SMG1: variants seen among roughly 807,000 people sequenced by gnomAD.
SMG1 encodes the protein SMG1 nonsense mediated mRNA decay associated PI3K related kinase.
In SMG1, 22 loss-of-function variants were observed where a neutral mutation model predicts 419.9. The ratio of observed to expected loss-of-function variants is 0.05; its 90% CI spans 0.04 to 0.07. The LOEUF (loss-of-function observed/expected upper bound fraction) is 0.07. SMG1 is among the 10% of genes least tolerant of loss of function. SMG1 has a pLI of 1.00. For synonymous variants in SMG1, 1,538 were observed against 1,553.5 expected, an observed-to-expected ratio of 0.99 and a Z score of 0.23; for missense variants, 3,185 against 4,342.0, an observed-to-expected ratio of 0.73 and a Z score of 7.49.
chr16:18,917,058 T>A (rs2038010297), intron 1 of SMG1, among the ~76,000 whole-genome samples: 1 of 152,124 alleles, frequency 6.6e-6, no homozygotes, highest in African/African-American at 2.4e-5. Flanking sequence ...TTAGTAATCA[T>A]CCTCAATCAA....
chr16:18,906,587 T>C (rs1194447387), intron 1 of SMG1, among the ~76,000 whole-genome samples: 2 of 152,190 alleles, frequency 1.3e-5, no homozygotes, highest in Admixed American at 6.5e-5. Flanking sequence ...TTTCAAATAC[T>C]TTCCCACTGA....
chr16:18,842,999 T>C (rs2650619), intron 39 of SMG1, among the ~76,000 whole-genome samples: 5 of 152,012 alleles, frequency 3.3e-5, no homozygotes, highest in African/African-American at 1.2e-4. Context: ...TGTCCAAACA[T>C]GCAGTGAAAT....
In SMG1 at chr16:18,839,739, A is replaced by T. The variant is rs773732555; in HGVS notation, c.6904T>A (p.Ser2302Thr). Residue 2302 changes from serine to threonine, a missense_variant, in exon 42 of 63, where the codon TCA becomes ACA. By Grantham distance (58) the Ser-to-Thr change is moderately conservative. Around this residue, in one of 27 missense-constraint regions of SMG1, gnomAD observed 132 missense variants for 151.0 expected, o/e 0.87. Coordinates refer to ENST00000446231, the MANE Select transcript of SMG1 (RefSeq NM_015092.5). ...PPNLLAKELW[S>T]SCTTPDEWWR... ...CATTCATCAGGTGTTGTGCAAGATG[A>T]CCAGAGCTCTTTGGCAAGGAGATTC... 1.9e-6 allele frequency: 3 copies of T among 1,613,968 alleles called. No individual in the cohort carries two copies. Among genetic ancestry groups the T allele is most frequent in the South Asian group, 2.2e-5 (2 of 91,080 alleles).
intron 25 of SMG1, chr16:18,861,357 T>G (rs2035208988): frequency 6.6e-6 from 1 of 152,420 alleles, no homozygotes; most frequent in South Asian, 2.1e-4. Context: ...CCTGTAGTCC[T>G]GCAGCATCAA....
intron 50 of SMG1, 90 bp downstream of exon 50, chr16:18,834,114 G>C: frequency 2.3e-6 from 2 of 877,324 alleles, no homozygotes; most frequent in South Asian, 3.4e-5. Flanking sequence ...ATTCAAATGG[G>C]GAAGTCAAAT....
At chr16:18,827,621 T>C (rs1476852694) in intron 55 of SMG1, among the ~76,000 whole-genome samples, 1 of 144,628 alleles carries the variant, frequency 6.9e-6, no homozygotes, top group African/African-American at 2.5e-5. Context: ...TACCAAAATA[T>C]ATATTTTTAT....
intron 49 of SMG1, 90 bp downstream of exon 49, chr16:18,834,802 G>C: frequency 7.2e-7 from 1 of 1,381,476 alleles, no homozygotes; most frequent in Non-Finnish European, 1.0e-6. Context: ...TGTAACACTT[G>C]GCAAGACTAA....
chr16:18,904,657 C>G (rs1470481533), intron 1 of SMG1, among the ~76,000 whole-genome samples: 1 of 151,804 alleles, frequency 6.6e-6, no homozygotes, highest in Non-Finnish European at 1.5e-5. Context: ...AAAATAAAGG[C>G]CGGGTGAAGT....
Position 18,880,273 on chromosome 16 carries a change from C to T in SMG1, c.1294-554G>A, listed in dbSNP as rs912111667. ...CAATACACACACAAACAAAATCCCC[C>T]ACTTAACTATAATGGCCAATAATTG... On this transcript the variant is annotated intron_variant, in intron 10 of 62. Transcript: ENST00000446231. 1.1e-4 allele frequency among the ~76,000 whole-genome samples: 16 copies of T among 152,276 alleles called. No homozygotes were observed. In the South Asian group the frequency reaches 3.3e-3, roughly 32 times the overall value.
chr16:18,886,119 C>T (rs1054716148), intron 6 of SMG1, among the ~76,000 whole-genome samples: 14 of 149,600 alleles, frequency 9.4e-5, no homozygotes, highest in African/African-American at 3.3e-4. Context: ...TCCCTAAATG[C>T]TCTCTTTAAG....
intron 25 of SMG1, among the ~76,000 whole-genome samples, chr16:18,862,231 A>G (rs1369745432): frequency 2.6e-5 from 4 of 152,132 alleles, no homozygotes; most frequent in East Asian, 1.9e-4. Flanking sequence ...TGGATGTCCT[A>G]TATCTAGGAC....
intron 3 of SMG1, among the ~76,000 whole-genome samples, 181 bp downstream of exon 3, chr16:18,895,871 G>A (rs1007196800): frequency 2.6e-5 from 4 of 152,134 alleles, no homozygotes; most frequent in Non-Finnish European, 4.4e-5. Flanking sequence ...GTTTTAAGAG[G>A]CTTCTCTTTT....
At chr16:18,882,116 A>G (rs901287792) in intron 10 of SMG1, 49 bp downstream of exon 10, 3 of 1,374,448 alleles carry the variant, frequency 2.2e-6, no homozygotes, top group African/African-American at 1.4e-5. Flanking sequence ...TTTACAGTGT[A>G]AAACAATTTT....
At chr16:18,872,918 G>A (rs1198444396) in intron 13 of SMG1, among the ~76,000 whole-genome samples, 1 of 152,090 alleles carries the variant, frequency 6.6e-6, no homozygotes, top group Non-Finnish European at 1.5e-5. Flanking sequence ...CTTTGGGAGG[G>A]TAAGGTGGGC....
intron 25 of SMG1, among the ~76,000 whole-genome samples, chr16:18,863,226 G>A (rs2035304760): frequency 6.6e-6 from 1 of 152,188 alleles, no homozygotes; most frequent in South Asian, 2.1e-4. Flanking sequence ...CAGAATAAAA[G>A]CACAGAGGAA....
intron 39 of SMG1, among the ~76,000 whole-genome samples, chr16:18,844,384 G>A (rs940176127): frequency 1.0e-4 from 15 of 149,712 alleles, no homozygotes; most frequent in Admixed American, 2.7e-4. Context: ...AGCCAAGATC[G>A]TGCCACTCAC....
rs187828253 is a variant in SMG1, at chr16:18,817,390, C to T, written c.9975G>A (p.Ala3325=). 1,984 of 1,608,566 alleles carry T rather than the reference C, an allele frequency of 1.2e-3. 5 individuals carry two copies. The highest frequency in any genetic ancestry group is 2.0e-3 in the South Asian group (176 of 90,014). The change falls in exon 57 of 63, where the codon GCG becomes GCA. Residue 3325 remains alanine, a synonymous_variant. Coordinates refer to ENST00000446231, the MANE Select transcript of SMG1 (RefSeq NM_015092.5). ...GACATCGCTTGATTAGTTCAAATAA[C>T]GCCGCATCCAGGTTTAAGGCTTCTG... is the stretch of plus-strand genomic sequence containing the variant. ...RTAEALNLDA[A]LFELIKRCQQ... is the part of the protein sequence containing the mutation.
In SMG1 at chr16:18,809,379, TG is replaced by T. The variant is rs2031156129; in HGVS notation, c.*189del. 6.8e-6 allele frequency: 4 copies of T among 588,250 alleles called. No individual in the cohort carries two copies. Among genetic ancestry groups the T allele is most frequent in the Non-Finnish European group, 1.3e-5 (4 of 318,654 alleles). 36.4% of individuals were successfully genotyped at this position (588,250 alleles called of 1,614,324 possible). A position where few individuals can be genotyped will look rare whatever the true frequency, so the allele number is the denominator to read the frequency against. ...ACCCTGGGGTTGCAGGCCATGGTGT[TG>T]GGCGTATCCCTGAGTGCAGCTGTCC... On this transcript the variant is annotated 3_prime_UTR_variant, in exon 63 of 63. Coordinates refer to ENST00000446231, the MANE Select transcript of SMG1 (RefSeq NM_015092.5).
At chr16:18,874,325 G>A (rs1447889385) in intron 13 of SMG1, among the ~76,000 whole-genome samples, 4 of 151,760 alleles carry the variant, frequency 2.6e-5, no homozygotes, top group Non-Finnish European at 5.9e-5. Context: ...TTTTAGTAGA[G>A]GCGAGGTTTC....
Sources: gnomAD v4.1 joint callset for allele counts (sites outside exome capture counted in the v4.1 genomes callset) on GRCh38, gnomAD v4.1.1 for gene constraint, gnomAD v4.1.1 regional missense constraint, MANE v1.5 for transcripts, NCBI Gene and HGNC (gene_info 2026-07-23, HGNC 2026-07-21) for gene names.